The following NAV3 variants were observed in gnomAD, a reference collection of about 807,000 sequenced individuals.
NAV3 encodes pore membrane and/or filament interacting like protein 1.
A neutral mutation model predicts 244.7 loss-of-function variants in NAV3; 87 were observed. That is an observed-to-expected ratio of 0.36 (90% CI 0.30 to 0.42). The LOEUF (loss-of-function observed/expected upper bound fraction) is 0.42, where lower values mean the gene tolerates loss of function less well. Among genes scored for constraint, NAV3 ranks in the 20% least tolerant of loss-of-function variants. NAV3 has a pLI of 1.00. For missense variants in NAV3, 2,663 were observed against 2,893.3 expected (o/e 0.92, Z 1.83); for synonymous variants, 1,126 against 1,042.2 (o/e 1.08, Z -1.55).
At chr12:77,596,127 G>A (rs1437597817) in intron 2 of NAV3, among the ~76,000 whole-genome samples, 1 of 152,122 alleles carries the variant, frequency 6.6e-6, no homozygotes, top group African/African-American at 2.4e-5. Flanking sequence ...GCAAATCTGG[G>A]TCCATATCAC....
rs1395408755 is a variant in NAV3, at chr12:78,190,002, T to G, written c.6074T>G (p.Leu2025Trp). The G allele has an allele frequency of 1.2e-6, 2 of 1,612,736 alleles. No homozygotes were observed. Among genetic ancestry groups the G allele is most frequent in the South Asian group, 1.1e-5 (1 of 91,012 alleles). The change falls in exon 34 of 40, where the codon TTG becomes TGG. Residue 2025 changes from leucine to tryptophan, a missense_variant. By Grantham distance (61) the Leu-to-Trp change is moderately conservative. Coordinates refer to ENST00000397909, the MANE Select transcript of NAV3 (RefSeq NM_001024383.2). ...VNLKGVEENSLDSFVFDTLIP... is the reference protein window; with the variant it reads ...VNLKGVEENSWDSFVFDTLIP... Reference sequence around the variant, plus strand: ...CTTTCAGGGGTAGAAGAAAATAGTTTGGACAGTTTTGTTTTTGATACGCTG... The same window carrying G: ...CTTTCAGGGGTAGAAGAAAATAGTTGGGACAGTTTTGTTTTTGATACGCTG...
intron 1 of NAV3, among the ~76,000 whole-genome samples, chr12:77,859,206 A>G (rs1344269869): frequency 2.0e-5 from 3 of 152,010 alleles, no homozygotes; most frequent in Non-Finnish European, 2.9e-5. Context: ...TGCAATTGTA[A>G]TTTCCTTTAA....
intron 2 of NAV3, among the ~76,000 whole-genome samples, chr12:77,626,692 T>C (rs1254926129): frequency 6.6e-6 from 1 of 152,128 alleles, no homozygotes; most frequent in African/African-American, 2.4e-5. Flanking sequence ...CCAATAATAC[T>C]ATTCCCAGCA....
intron 1 of NAV3, among the ~76,000 whole-genome samples, chr12:77,886,700 T>C (rs1265769341): frequency 6.6e-6 from 1 of 152,172 alleles, no homozygotes; most frequent in Admixed American, 6.5e-5. Flanking sequence ...TGTCATTTTC[T>C]TAATCTTTCT....
intron 3 of NAV3, among the ~76,000 whole-genome samples, chr12:77,959,081 A>C (rs1391548025): frequency 6.6e-6 from 1 of 152,182 alleles, no homozygotes; most frequent in African/African-American, 2.4e-5. Flanking sequence ...GAACAGTGCA[A>C]TTCCAGCAAC....
At chr12:77,852,143 A>C (rs531887621) in intron 1 of NAV3, among the ~76,000 whole-genome samples, 1 of 152,368 alleles carries the variant, frequency 6.6e-6, no homozygotes, top group South Asian at 2.1e-4. Flanking sequence ...AATAAAAAGC[A>C]GTTTTTGAGA....
At chr12:77,700,938 AC>A (rs1565778018) in intron 2 of NAV3, among the ~76,000 whole-genome samples, 1 of 150,734 alleles carries the variant, frequency 6.6e-6, no homozygotes, top group African/African-American at 2.4e-5. Flanking sequence ...TATATTATAA[AC>A]TCTTTTATAT....
chr12:77,681,637 G>A (rs925193139), intron 2 of NAV3, among the ~76,000 whole-genome samples: 4 of 148,010 alleles, frequency 2.7e-5, no homozygotes, highest in Non-Finnish European at 5.9e-5. Context: ...TCTGGCACAA[G>A]GTGTTCTGTG....
At chr12:77,956,787 G>T (rs1250101161) in intron 3 of NAV3, among the ~76,000 whole-genome samples, 1 of 151,960 alleles carries the variant, frequency 6.6e-6, no homozygotes, top group East Asian at 1.9e-4. Flanking sequence ...TGTCACCCAG[G>T]CTGGAGGGCA....
intron 2 of NAV3, among the ~76,000 whole-genome samples, chr12:77,732,131 C>T (rs890060231): frequency 2.0e-5 from 3 of 152,032 alleles, no homozygotes; most frequent in Non-Finnish European, 4.4e-5. Flanking sequence ...TCTTTTTCTT[C>T]ATCAAGGATT....
At chr12:77,825,978 G>T (rs1872975172), upstream of NAV3, among the ~76,000 whole-genome samples, 1 of 152,080 alleles carries the variant, frequency 6.6e-6, no homozygotes, top group Non-Finnish European at 1.5e-5. Flanking sequence ...AAACTGCAAT[G>T]ATACACCCCT....
intron 2 of NAV3, among the ~76,000 whole-genome samples, chr12:77,600,252 G>A (rs894043430): frequency 5.3e-5 from 8 of 151,864 alleles, no homozygotes; most frequent in Admixed American, 3.9e-4. Context: ...CATATCTTTG[G>A]CATTCTCATC....
intron 2 of NAV3, among the ~76,000 whole-genome samples, chr12:77,644,939 A>T (rs2136965327): frequency 6.6e-6 from 1 of 152,296 alleles, no homozygotes; most frequent in South Asian, 2.1e-4. Flanking sequence ...AGCATATATA[A>T]TACCAAAACG....
intron 9 of NAV3, among the ~76,000 whole-genome samples, chr12:78,030,701 A>G (rs1878829420): frequency 6.6e-6 from 1 of 152,200 alleles, no homozygotes; most frequent in Admixed American, 6.5e-5. Flanking sequence ...CCTTTGAAAA[A>G]GTAAGAAACA....
intron 2 of NAV3, among the ~76,000 whole-genome samples, chr12:77,789,816 GAAAAAAAAA>G (rs57070028): frequency 7.9e-5 from 6 of 75,662 alleles, no homozygotes; most frequent in African/African-American, 2.9e-4. Flanking sequence ...GTCTCGAAAA[GAAAAAAAAA>G]AAAAAAAAAA....
At chr12:78,173,567 T>G (rs1958094672) in intron 24 of NAV3, among the ~76,000 whole-genome samples, 1 of 151,642 alleles carries the variant, frequency 6.6e-6, no homozygotes, top group South Asian at 2.1e-4. Flanking sequence ...CCCATTTATA[T>G]GACTTCCATA....
At chr12:77,631,216 GCCTA>G (rs1871880633) in intron 2 of NAV3, among the ~76,000 whole-genome samples, 1 of 151,988 alleles carries the variant, frequency 6.6e-6, no homozygotes, top group Non-Finnish European at 1.5e-5. Context: ...TTTCTAAATG[GCCTA>G]CTGAACCAGA....
At chr12:78,101,385 C>T (rs141016554) in intron 12 of NAV3, among the ~76,000 whole-genome samples, 142 of 152,218 alleles carry the variant, frequency 9.3e-4, no homozygotes, top group African/African-American at 3.4e-3. Context: ...TATTCAAGCT[C>T]CACAAGGTTG....
At chr12:77,722,221 T>C (rs1053917453) in intron 2 of NAV3, among the ~76,000 whole-genome samples, 2 of 152,066 alleles carry the variant, frequency 1.3e-5, no homozygotes, top group African/African-American at 4.8e-5. Context: ...TTCAATCGTG[T>C]TTGGTAGTAT....
Sources: gnomAD v4.1 joint callset for allele counts (sites outside exome capture counted in the v4.1 genomes callset) on GRCh38, gnomAD v4.1.1 for gene constraint, MANE v1.5 for transcripts, NCBI Gene and HGNC (gene_info 2026-07-23, HGNC 2026-07-21) for gene names.